The following ADCK2 variants were observed in gnomAD, a reference collection of about 807,000 sequenced individuals.
ADCK2 encodes the protein uncharacterized aarF domain-containing protein kinase 2.
In ADCK2, 37 loss-of-function variants were observed where a neutral mutation model predicts 52.3. The observed-to-expected ratio is 0.71, with a 90% CI of 0.54 to 0.93. The LOEUF (loss-of-function observed/expected upper bound fraction) is 0.93, where lower values mean the gene tolerates loss of function less well. ADCK2 is among the 40% of genes least tolerant of loss of function. The probability of loss-of-function intolerance (pLI) is 0.00; values close to 1 mark genes in which losing one functional copy is unlikely to be tolerated. For missense variants in ADCK2, 695 were observed against 798.7 expected (o/e 0.87, Z 1.56); for synonymous variants, 321 against 349.2 (o/e 0.92, Z 0.90).
Position 140,673,938 on chromosome 7 carries a change from G to T in ADCK2, c.608G>T (p.Arg203Leu). ...GGGAGCATCCTCTCTTTTGAGAACC[G>T]GGAACCTGTGGGCTCAGGCTGCGTG... is the stretch of plus-strand genomic sequence containing the variant. The part of the protein sequence containing the change: ...DWGSILSFEN[R>L]EPVGSGCVAQ... The change falls in exon 1 of 8, where the codon CGG becomes CTG. Residue 203 changes from arginine to leucine, a missense_variant. By Grantham distance (102) the Arg-to-Leu change is moderately radical (BLOSUM62 -2). Coordinates refer to ENST00000072869, the MANE Select transcript of ADCK2 (RefSeq NM_052853.4). This position sits in a 1 kb window ranked among gnomAD's most constrained non-coding sequence, Gnocchi z 6.4. The T allele has an allele frequency of 6.2e-7, 1 of 1,613,990 alleles. No homozygotes were observed. Among genetic ancestry groups the T allele is most frequent in the Non-Finnish European group, 8.5e-7 (1 of 1,180,044 alleles).
In ADCK2 at chr7:140,674,022, G is replaced by A. The variant is rs756501596; in HGVS notation, c.692G>A (p.Arg231Lys). The A allele has an allele frequency of 6.2e-7, 1 of 1,614,150 alleles. No individual in the cohort carries two copies. Among genetic ancestry groups the A allele is most frequent in the South Asian group, 1.1e-5 (1 of 91,086 alleles). The change falls in exon 1 of 8, where the codon AGA becomes AAA. Residue 231 changes from arginine (R) to lysine (K), a missense_variant. Coordinates refer to ENST00000072869, the MANE Select transcript of ADCK2 (RefSeq NM_052853.4). This position sits in a 1 kb window ranked among gnomAD's most constrained non-coding sequence, Gnocchi z 4.6. ...TTCCTGGAGACTGACAGCGTCCAGA[G>A]ACTTGGCAGGGCCTCCTGTCTGCCG... ...TAFLETDSVQ[R>K]LGRASCLPPF...
chr7:140,685,190 T>C (rs369673719), intron 4 of ADCK2, among the ~76,000 whole-genome samples: 23 of 152,288 alleles, frequency 1.5e-4, no homozygotes, highest in African/African-American at 5.5e-4. Context: ...GGCTCACTCC[T>C]GTAATCCCAG....
intron 2 of ADCK2, among the ~76,000 whole-genome samples, chr7:140,677,915 G>A (rs908554099): frequency 6.6e-6 from 1 of 152,152 alleles, no homozygotes; most frequent in South Asian, 2.1e-4. Flanking sequence ...CTGGGATGTC[G>A]AGCACTATAT....
Position 140,673,762 on chromosome 7 carries a change from C to T in ADCK2, c.432C>T (p.Thr144=), listed in dbSNP as rs531188697. The T allele has an allele frequency of 6.4e-5, 103 of 1,613,740 alleles. No individual in the cohort carries two copies. The South Asian group carries it at 1.1e-3, about 17-fold the overall frequency. ...AAGCCACCGAGACCTCAGGCCCAACCTACATCAAACTGGGCCAGTGGGCCA... is the reference window on the plus strand; with the variant it reads ...AAGCCACCGAGACCTCAGGCCCAACTTACATCAAACTGGGCCAGTGGGCCA... The part of the protein sequence containing the change: ...LLKATETSGP[T]YIKLGQWAST... The change falls in exon 1 of 8, where the codon ACC becomes ACT. Residue 144 remains threonine, a synonymous_variant. Coordinates refer to ENST00000072869, the MANE Select transcript of ADCK2 (RefSeq NM_052853.4). The surrounding 1 kb of genome is among the most constrained non-coding windows in gnomAD (Gnocchi z 6.4).
Position 140,673,863 on chromosome 7 carries a change from C to T in ADCK2, c.533C>T (p.Pro178Leu), listed in dbSNP as rs1214999246. ...CTGCATGTCCGAGTGACGCCCCACC[C>T]GTGGACTCACACTGAGCGCTTCCTT... ...SKLHVRVTPH[P>L]WTHTERFLRQ... Residue 178 changes from proline (P) to leucine (L), a missense_variant, in exon 1 of 8, where the codon CCG becomes CTG. By Grantham distance (98) the Pro-to-Leu change is moderately conservative. Coordinates refer to ENST00000072869, the MANE Select transcript of ADCK2 (RefSeq NM_052853.4). This position sits in a 1 kb window ranked among gnomAD's most constrained non-coding sequence, Gnocchi z 6.4. The T allele has an allele frequency of 3.7e-6, 6 of 1,613,944 alleles. No homozygotes were observed. Among genetic ancestry groups the T allele is most frequent in the East Asian group, 2.2e-5 (1 of 44,880 alleles).
chr7:140,694,005 G>A (rs1303642549), intron 7 of ADCK2, among the ~76,000 whole-genome samples: 1 of 152,138 alleles, frequency 6.6e-6, no homozygotes, highest in African/African-American at 2.4e-5. Flanking sequence ...CACCACGCCC[G>A]GCCTGTGTGT....
intron 6 of ADCK2, 35 bp from the exon 7 acceptor site, chr7:140,690,725 G>A: frequency 9.3e-6 from 15 of 1,607,028 alleles, no homozygotes; most frequent in Non-Finnish European, 1.3e-5. Context: ...TGGAAGGCTC[G>A]GTGGTCTGCA....
Position 140,678,090 on chromosome 7 carries a change from C to CA in ADCK2, c.1081-1063dup, listed in dbSNP as rs1401463092. On this transcript the variant is annotated intron_variant, in intron 2 of 7. Coordinates refer to ENST00000072869, the MANE Select transcript of ADCK2 (RefSeq NM_052853.4). The surrounding 1 kb of genome is among the most constrained non-coding windows in gnomAD (Gnocchi z 4.9). ...AATGGATTGGAGAGGAAGGATGGGT[C>CA]AAGGAGCACACTCGAGGCACCTCTG... Among the ~76,000 whole-genome samples, 1 of 152,058 alleles carries CA rather than the reference C, an allele frequency of 6.6e-6. No homozygotes were observed. The highest frequency in any genetic ancestry group is 1.5e-5 in the Non-Finnish European group (1 of 68,000).
rs910351444 is a variant in ADCK2 at position 140,673,257 on chromosome 7, C to T, written c.-74C>T. On this transcript the variant is annotated 5_prime_UTR_variant, in exon 1 of 8. Coordinates refer to ENST00000072869, the MANE Select transcript of ADCK2 (RefSeq NM_052853.4). This position sits in a 1 kb window ranked among gnomAD's most constrained non-coding sequence, Gnocchi z 6.4. ...CCGCGGGGTCAGGGCCGGGCTTCGG[C>T]TTCACCGCAGCCTCGCCTGAGCGGG... The T allele has an allele frequency of 6.9e-6, 9 of 1,309,226 alleles. No homozygotes were observed. In the African/African-American group the frequency reaches 1.3e-4, roughly 18 times the overall value. 81.1% of individuals were successfully genotyped at this position (1,309,226 alleles called of 1,614,324 possible). A position where few individuals can be genotyped will look rare whatever the true frequency, so the allele number is the denominator to read the frequency against.
Position 140,674,785 on chromosome 7 carries a change from T to C in ADCK2, c.1080+28T>C, listed in dbSNP as rs1356204800. Reference sequence around the variant, plus strand: ...GAGTTCTCCTCCCCTCAGCTGTAAATAGCACCTAACATAGTTCTTGCCATT... The same window carrying C: ...GAGTTCTCCTCCCCTCAGCTGTAAACAGCACCTAACATAGTTCTTGCCATT... On this transcript the variant is annotated intron_variant, in intron 2 of 7. Transcript: ENST00000072869. This position sits in a 1 kb window ranked among gnomAD's most constrained non-coding sequence, Gnocchi z 4.6. The C allele has an allele frequency of 8.1e-6, 13 of 1,608,226 alleles. No individual in the cohort carries two copies. Among genetic ancestry groups the C allele is most frequent in the African/African-American group, 1.3e-5 (1 of 74,956 alleles).
intron 4 of ADCK2, among the ~76,000 whole-genome samples, chr7:140,685,621 C>G (rs1309736820): frequency 2.0e-5 from 3 of 152,132 alleles, no homozygotes; most frequent in Admixed American, 2.0e-4. Context: ...CTTATCCCTA[C>G]CAAAGCCACA....
chr7:140,686,633 G>A (rs1037597334), intron 4 of ADCK2, among the ~76,000 whole-genome samples: 2 of 152,092 alleles, frequency 1.3e-5, no homozygotes, highest in African/African-American at 4.8e-5. Flanking sequence ...AGGCTGGAGG[G>A]CAGTGGCATG....
In ADCK2 at chr7:140,673,288, C is replaced by G; in HGVS notation, c.-43C>G. ...CGCAGCCTCGCCTGAGCGGGCGCCT[C>G]TGAAGTGGAGGGCGGGCCGCCTGGG... On this transcript the variant is annotated 5_prime_UTR_variant, in exon 1 of 8. Transcript: ENST00000072869. The surrounding 1 kb of genome is among the most constrained non-coding windows in gnomAD (Gnocchi z 6.4). 7.1e-7 allele frequency: 1 copy of G among 1,413,614 alleles called. No homozygotes were observed. Among genetic ancestry groups the G allele is most frequent in the Non-Finnish European group, 9.2e-7 (1 of 1,083,838 alleles). 87.6% of individuals were successfully genotyped at this position (1,413,614 alleles called of 1,614,324 possible).
intron 2 of ADCK2, among the ~76,000 whole-genome samples, chr7:140,676,260 C>A (rs1265605081): frequency 6.6e-6 from 1 of 152,144 alleles, no homozygotes. Context: ...TGTAAAGGCG[C>A]TGATTCATTC....
rs1563205624 is a variant in ADCK2 at position 140,674,592 on chromosome 7, CG to C, written c.934-17del. The C allele has an allele frequency of 1.9e-6, 3 of 1,601,008 alleles. No individual in the cohort carries two copies. The highest frequency in any genetic ancestry group is 2.6e-6 in the Non-Finnish European group (3 of 1,170,576). On this transcript the variant is annotated intron_variant, in intron 1 of 7. Coordinates refer to ENST00000072869, the MANE Select transcript of ADCK2 (RefSeq NM_052853.4). This position sits in a 1 kb window ranked among gnomAD's most constrained non-coding sequence, Gnocchi z 4.6. ...TGTCCAGCAGGTTTCTCCTGTCTCA[CG>C]GTTCCTCTTTCTGACAGGTGTTGCA...
chr7:140,681,215 A>G (rs2130784043), intron 4 of ADCK2, 78 bp downstream of exon 4: 1 of 1,391,946 alleles, frequency 7.2e-7, no homozygotes, highest in Non-Finnish European at 1.0e-6. Flanking sequence ...GACTCTGGCT[A>G]TCTGGGTGGG....
rs561671590 is a variant in ADCK2, at chr7:140,692,886, G to GT, written c.1741-1776dup. On this transcript the variant is annotated intron_variant, in intron 7 of 7. Coordinates refer to ENST00000072869, the MANE Select transcript of ADCK2 (RefSeq NM_052853.4). ...CAAAGTAGGTTTTCTGGATCATATG[G>GT]TATGTTTTTAGTTTTTGAGGAACTT... Among the ~76,000 whole-genome samples, 202 of 152,280 alleles carry GT rather than the reference G, an allele frequency of 1.3e-3. 1 individual carries two copies. The highest frequency in any genetic ancestry group is 2.5e-3 in the Admixed American group (38 of 15,294).
chr7:140,677,308 T>TGAGGCAG (rs1794436826), intron 2 of ADCK2, among the ~76,000 whole-genome samples: 2 of 151,846 alleles, frequency 1.3e-5, no homozygotes, highest in South Asian at 4.2e-4. Flanking sequence ...CTCGAGAGGC[T>TGAGGCAG]GAGGCAGGAG....
rs201013665 is a variant in ADCK2 at position 140,673,638 on chromosome 7, C to A, written c.308C>A (p.Ala103Asp). The A allele has an allele frequency of 9.3e-6, 15 of 1,610,062 alleles. No individual in the cohort carries two copies. In the African/African-American group the frequency reaches 1.7e-4, roughly 19 times the overall value. The change falls in exon 1 of 8, where the codon GCC becomes GAC. Residue 103 changes from alanine (A) to aspartate (D), a missense_variant. Coordinates refer to ENST00000072869, the MANE Select transcript of ADCK2 (RefSeq NM_052853.4). This position sits in a 1 kb window ranked among gnomAD's most constrained non-coding sequence, Gnocchi z 6.4. The part of the protein sequence containing the change: ...VFLHLRLWLR[A>D]GALLVKFFPL... ...CTGCATCTCCGCCTCTGGCTTCGCG[C>A]CGGCGCTCTGTTGGTGAAATTCTTC... is the stretch of plus-strand genomic sequence containing the variant.
Sources: gnomAD v4.1 joint callset for allele counts (sites outside exome capture counted in the v4.1 genomes callset) on GRCh38, gnomAD v4.1.1 for gene constraint, Gnocchi (gnomAD v3.1) non-coding constraint, MANE v1.5 for transcripts, NCBI Gene and HGNC (gene_info 2026-07-23, HGNC 2026-07-21) for gene names.